Variants in ECE1 observed in about 807,000 individuals in gnomAD.
ECE1 encodes endothelin-converting enzyme 1.
A neutral mutation model predicts 98.6 loss-of-function variants in ECE1; 35 were observed. That is an observed-to-expected ratio of 0.35 (90% CI 0.27 to 0.47). ECE1 has a LOEUF of 0.47. Ranked by LOEUF, ECE1 falls within the 20% of genes least tolerant of loss-of-function variation. The pLI is 1.00. For synonymous variants in ECE1, 394 were observed against 407.1 expected (o/e 0.97, Z 0.39); for missense variants, 814 against 1,025.3 (o/e 0.79, Z 2.81).
rs576793760 is a variant in ECE1 at position 21,233,622 on chromosome 1, G to C, written c.1606C>G (p.Arg536Gly). Reference protein sequence around the residue: ...VPDLYFENAMRFFNFSWRVTA... With the variant: ...VPDLYFENAMGFFNFSWRVTA... ...ACCCTCCATGAGAAGTTGAAAAACC[G>C]CATGGCATTTTCAAAGTAGAGGTCT... The change falls in exon 14 of 19, where the codon CGG becomes GGG. Residue 536 changes from arginine to glycine, a missense_variant. By Grantham distance (125) the Arg-to-Gly change is moderately radical. This residue lies in a region of ECE1 where 452 missense variants were observed against 567.3 expected (regional missense o/e 0.80). Transcript: ENST00000374893. This position sits in a 1 kb window ranked among gnomAD's most constrained non-coding sequence, Gnocchi z 4.0. The C allele has an allele frequency of 6.3e-5, 101 of 1,613,834 alleles. No homozygotes were observed. The highest frequency in any genetic ancestry group is 8.3e-5 in the Non-Finnish European group (98 of 1,179,956).
intron 9 of ECE1, among the ~76,000 whole-genome samples, chr1:21,246,824 T>C (rs965092609): frequency 6.6e-6 from 1 of 152,164 alleles, no homozygotes; most frequent in Non-Finnish European, 1.5e-5. Flanking sequence ...CATGTCTGGC[T>C]AATTTTTTAT....
intron 7 of ECE1, chr1:21,256,768 A>C: frequency 6.5e-6 from 1 of 153,182 alleles, no homozygotes; most frequent in Non-Finnish European, 1.4e-5. Context: ...ACCACCCCCC[A>C]CCCGTGTTCC....
At chr1:21,284,423 T>C (rs2103350042) in intron 2 of ECE1, among the ~76,000 whole-genome samples, 1 of 152,258 alleles carries the variant, frequency 6.6e-6, no homozygotes, top group Admixed American at 6.5e-5. Context: ...CTTAATTTCC[T>C]ACTTATTGTC....
chr1:21,236,509 CG>C (rs1260097247), intron 12 of ECE1, among the ~76,000 whole-genome samples: 1 of 152,180 alleles, frequency 6.6e-6, no homozygotes, highest in Admixed American at 6.5e-5. Flanking sequence ...ATTAACCGAG[CG>C]TGGTGGCGCA....
chr1:21,286,839 T>A (rs28367929), intron 2 of ECE1, among the ~76,000 whole-genome samples: 3,749 of 150,780 alleles, frequency 0.025, 144 homozygotes, highest in African/African-American at 0.086. Context: ...GGTGAGAGAA[T>A]CACAGGTCAA....
intron 1 of ECE1, among the ~76,000 whole-genome samples, chr1:21,309,482 T>G (rs1638669647): frequency 6.6e-6 from 1 of 152,158 alleles, no homozygotes; most frequent in African/African-American, 2.4e-5. Flanking sequence ...GCTGGCTTGG[T>G]TGGGTGAATG....
At chr1:21,227,454 C>T (rs1257948383) in intron 15 of ECE1, among the ~76,000 whole-genome samples, 1 of 152,216 alleles carries the variant, frequency 6.6e-6, no homozygotes, top group African/African-American at 2.4e-5. Context: ...GCACCATGCG[C>T]TGTGCTAGAT....
At chr1:21,257,823 T>A (rs949170892) in intron 6 of ECE1, among the ~76,000 whole-genome samples, 8 of 152,154 alleles carry the variant, frequency 5.3e-5, no homozygotes, top group Admixed American at 5.2e-4. Context: ...TCAGAAGGGC[T>A]GGACAGAGCC....
In ECE1 at chr1:21,225,050, T is replaced by C. The variant is rs1265746021; in HGVS notation, c.2040+200A>G. Among the ~76,000 whole-genome samples, 1 of 152,220 alleles carries C rather than the reference T, an allele frequency of 6.6e-6. No homozygotes were observed. The highest frequency in any genetic ancestry group is 1.5e-5 in the Non-Finnish European group (1 of 68,032). On this transcript the variant is annotated intron_variant, in intron 17 of 18. Coordinates refer to ENST00000374893, the MANE Select transcript of ECE1 (RefSeq NM_001397.3). The surrounding 1 kb of genome is among the most constrained non-coding windows in gnomAD (Gnocchi z 5.3). ...GCCAGACTCAGAGCACAAAGCCTTCTGGTGCCAAGCCCTGTGGTGGGGGAG... is the reference window on the plus strand; with the variant it reads ...GCCAGACTCAGAGCACAAAGCCTTCCGGTGCCAAGCCCTGTGGTGGGGGAG...
chr1:21,330,832 AAC>A (rs1387686195), intron 1 of ECE1, among the ~76,000 whole-genome samples: 2 of 152,140 alleles, frequency 1.3e-5, no homozygotes, highest in Non-Finnish European at 2.9e-5. Context: ...GCTGATGCTG[AAC>A]ACAGGCTGTA....
chr1:21,334,813 C>G (rs1391727813), intron 1 of ECE1, among the ~76,000 whole-genome samples: 2 of 152,154 alleles, frequency 1.3e-5, no homozygotes, highest in Non-Finnish European at 2.9e-5. Context: ...GCCAAAATCC[C>G]AGATCCTGCA....
intron 3 of ECE1, among the ~76,000 whole-genome samples, chr1:21,273,316 T>C (rs1191450602): frequency 6.6e-6 from 1 of 151,562 alleles, no homozygotes; most frequent in Non-Finnish European, 1.5e-5. Context: ...TGTGTGCACC[T>C]GCGTGAAAGT....
intron 1 of ECE1, among the ~76,000 whole-genome samples, chr1:21,330,133 CTTTTTTTTTTTTTTT>C (rs397860522): frequency 1.2e-5 from 1 of 86,490 alleles, no homozygotes; most frequent in African/African-American, 5.9e-5. Flanking sequence ...TCACTAAATA[CTTTTTTTTTTTTTTT>C]TTTTTTTTTG....
chr1:21,307,811 G>T lies in ECE1; in HGVS notation c.4-17655C>A, dbSNP rs1638631395. On this transcript the variant is annotated intron_variant, in intron 1 of 18. Coordinates refer to the ECE1 transcript ENST00000415912. This position sits in a 1 kb window ranked among gnomAD's most constrained non-coding sequence, Gnocchi z 4.2. ...ATAAGCCTCTATGAAAGGTGGCCAG[G>T]CACAGGAAAGAGGCCCTGCCCCCTT... 6.6e-6 allele frequency among the ~76,000 whole-genome samples: 1 copy of T among 151,050 alleles called. No homozygotes were observed. The highest frequency in any genetic ancestry group is 1.5e-5 in the Non-Finnish European group (1 of 67,178).
Position 21,245,008 on chromosome 1 carries a change from A to G in ECE1, c.1259T>C (p.Val420Ala). The G allele has an allele frequency of 6.2e-7, 1 of 1,614,140 alleles. No homozygotes were observed. The highest frequency in any genetic ancestry group is 8.5e-7 in the Non-Finnish European group (1 of 1,180,014). The change falls in exon 10 of 19, where the codon GTC becomes GCC. Residue 420 changes from valine (V) to alanine (A), a missense_variant. Transcript: ENST00000374893. ...GCTCACCTTCTTGGTCCCGTACATGACTTCCATGAACTTCTCATCGGCGTC... is the reference window on the plus strand; with the variant it reads ...GCTCACCTTCTTGGTCCCGTACATGGCTTCCATGAACTTCTCATCGGCGTC... The part of the protein sequence containing the change: ...FQDADEKFME[V>A]MYGTKKTCLP...
At position 21,345,466 on chromosome 1, in the gene ECE1, G is replaced by A; in HGVS notation, c.-88C>T. 1.7e-6 allele frequency: 2 copies of A among 1,167,498 alleles called. No individual in the cohort carries two copies. The highest frequency in any genetic ancestry group is 2.2e-6 in the Non-Finnish European group (2 of 921,536). The allele number at this position is 1,167,498 out of a possible 1,614,324, so 72.3% of individuals were successfully genotyped here. ...CGGGTTCCCTGCTCCCAGCCCAGCT[G>A]CTCGGACGGCTCGGCTGCCTGGCCC... On this transcript the variant is annotated 5_prime_UTR_variant, in exon 1 of 19. Coordinates refer to the ECE1 transcript ENST00000415912. The surrounding 1 kb of genome is among the most constrained non-coding windows in gnomAD (Gnocchi z 5.1).
intron 6 of ECE1, 80 bp from the exon 7 acceptor site, chr1:21,257,670 G>A (rs541445653): frequency 6.8e-7 from 1 of 1,477,926 alleles, no homozygotes; most frequent in East Asian, 2.3e-5. Context: ...CCTGGGAATG[G>A]CTGGCACATG....
intron 8 of ECE1, among the ~76,000 whole-genome samples, chr1:21,248,444 G>A (rs563540835): frequency 6.6e-6 from 1 of 152,208 alleles, no homozygotes; most frequent in Admixed American, 6.5e-5. Flanking sequence ...AAAGTGCTGG[G>A]ATTATAGGCA....
chr1:21,289,578 C>T (rs1191914130), intron 2 of ECE1, among the ~76,000 whole-genome samples: 3 of 152,116 alleles, frequency 2.0e-5, no homozygotes, highest in Non-Finnish European at 4.4e-5. Context: ...ATTGGGAGGG[C>T]AAGAGGAAGA....
Sources: allele counts gnomAD v4.1 joint callset (sites outside exome capture counted in the v4.1 genomes callset), GRCh38; gene constraint gnomAD v4.1.1; regional missense constraint gnomAD v4.1.1; non-coding constraint Gnocchi (gnomAD v3.1); transcripts MANE v1.5; gene names NCBI Gene and HGNC (gene_info 2026-07-23, HGNC 2026-07-21).